Variants in ZSCAN30 observed in about 807,000 individuals in gnomAD.
The protein encoded by ZSCAN30 is zinc finger and SCAN domain containing 30.
Under a neutral mutation model 44.3 loss-of-function variants are expected in ZSCAN30, and 37 were observed. The observed-to-expected ratio is 0.84, with a 90% CI of 0.64 to 1.10. ZSCAN30 has a LOEUF of 1.10. Among genes scored for constraint, ZSCAN30 ranks in the 50% least tolerant of loss-of-function variants. ZSCAN30 has a pLI of 0.00. For missense variants in ZSCAN30, 549 were observed against 582.6 expected (o/e 0.94, Z 0.59); for synonymous variants, 181 against 204.6 (o/e 0.88, Z 0.98).
intron 3 of ZSCAN30, chr18:35,261,419 A>G (rs2044027718): frequency 6.6e-6 from 1 of 152,186 alleles, no homozygotes; most frequent in Admixed American, 6.5e-5. Context: ...TGGGAATAAC[A>G]CTGAATCTAT....
In ZSCAN30 at chr18:35,254,395, T is replaced by C. The variant is rs1289922202; in HGVS notation, c.554-14A>G. The C allele has an allele frequency of 4.3e-6, 7 of 1,613,846 alleles. No individual in the cohort carries two copies. Among genetic ancestry groups the C allele is most frequent in the Non-Finnish European group, 5.9e-6 (7 of 1,179,936 alleles). ...CCATCCTGCCATCTAAAAATGTGAA[T>C]AGAAAGTGTAAGTATCATTTACTTC... On this transcript the variant is annotated splice_polypyrimidine_tract_variant and intron_variant, in intron 3 of 3. Transcript: ENST00000333206.
chr18:35,266,657 A>ATTTTTTTTTTTTTTTTTT (rs34611791), intron 1 of ZSCAN30: 1 of 78,642 alleles, frequency 1.3e-5, no homozygotes, highest in Non-Finnish European at 2.3e-5. Context: ...ATTTCTCCTA[A>ATTTTTTTTTTTTTTTTTT]TTTTTTTTTT....
chr18:35,282,804 T>C (rs1393150981), intron 1 of ZSCAN30: 5 of 152,234 alleles, frequency 3.3e-5, no homozygotes, highest in Admixed American at 2.6e-4. Flanking sequence ...TCCATTTTCA[T>C]GAGGTTCAAG....
In ZSCAN30 at chr18:35,275,026, C is replaced by T. The variant is rs561787369; in HGVS notation, c.-103-10571G>A. Among the ~76,000 whole-genome samples the T allele has an allele frequency of 2.0e-5, 3 of 152,252 alleles. No individual in the cohort carries two copies. The South Asian group carries it at 6.2e-4, about 32-fold the overall frequency. On this transcript the variant is annotated intron_variant, in intron 1 of 3. Transcript: ENST00000333206. ...CTCTGAAGTCATAAATATACTTTCA[C>T]ATATTTTCTTCTACAAATTTTACAA...
chr18:35,274,194 T>C (rs763022284), intron 1 of ZSCAN30, among the ~76,000 whole-genome samples: 1 of 151,620 alleles, frequency 6.6e-6, no homozygotes, highest in Non-Finnish European at 1.5e-5. Context: ...TTTTGGGGGC[T>C]TTTTTTTGCT....
At chr18:35,268,340 GATTAAAGGACAA>G (rs900402388) in intron 1 of ZSCAN30, 5 of 152,204 alleles carry the variant, frequency 3.3e-5, no homozygotes, top group African/African-American at 1.2e-4. Flanking sequence ...GTATAGAGTG[GATTAAAGGACAA>G]AAGAGATGAA....
At chr18:35,256,007 G>A (rs967253573) in intron 3 of ZSCAN30, among the ~76,000 whole-genome samples, 11 of 152,132 alleles carry the variant, frequency 7.2e-5, no homozygotes, top group African/African-American at 1.4e-4. Context: ...GGTATAAAGT[G>A]GCAATATAAT....
chr18:35,282,218 T>A (rs542220304), intron 1 of ZSCAN30: 5 of 152,220 alleles, frequency 3.3e-5, no homozygotes, highest in African/African-American at 7.2e-5. Flanking sequence ...ATTTAAGTTA[T>A]AGGATATGAA....
At chr18:35,262,123 T>C (rs1436583129) in intron 3 of ZSCAN30, 1 of 152,198 alleles carries the variant, frequency 6.6e-6, no homozygotes, top group African/African-American at 2.4e-5. Context: ...GGGTAGACTC[T>C]TAATAACTAA....
chr18:35,271,633 A>G (rs1330588516), intron 1 of ZSCAN30, among the ~76,000 whole-genome samples: 2 of 152,224 alleles, frequency 1.3e-5, no homozygotes, highest in African/African-American at 4.8e-5. Context: ...GCTGCCTGCC[A>G]GTCCTGCACC....
intron 3 of ZSCAN30, chr18:35,255,031 A>AC (rs1296741897): frequency 3.9e-5 from 6 of 153,766 alleles, no homozygotes; most frequent in Middle Eastern, 1.3e-3. Flanking sequence ...ACTTTAAAAA[A>AC]AATTTTGCAC....
chr18:35,280,409 T>TAC (rs1331201047), intron 1 of ZSCAN30, among the ~76,000 whole-genome samples: 16 of 150,040 alleles, frequency 1.1e-4, no homozygotes, highest in South Asian at 2.1e-4. Context: ...AACACACACA[T>TAC]ACACACACAC....
intron 1 of ZSCAN30, among the ~76,000 whole-genome samples, chr18:35,270,409 C>G (rs951000271): frequency 1.3e-5 from 2 of 152,188 alleles, no homozygotes; most frequent in African/African-American, 4.8e-5. Context: ...CTCTGTATCT[C>G]TTATCTGCTC....
At chr18:35,260,631 T>A (rs1388799826) in intron 3 of ZSCAN30, 1 of 152,224 alleles carries the variant, frequency 6.6e-6, no homozygotes, top group Non-Finnish European at 1.5e-5. Flanking sequence ...AGCTATTTTT[T>A]ATATATTTTT....
intron 3 of ZSCAN30, chr18:35,258,045 T>C (rs758389840): frequency 5.1e-6 from 4 of 777,118 alleles, no homozygotes; most frequent in African/African-American, 1.7e-5. Flanking sequence ...AACTTATAAC[T>C]CAAGGTTGTA....
chr18:35,264,233 G>C lies in ZSCAN30; in HGVS notation c.120C>G (p.Asn40Lys), dbSNP rs199923382. ...GCCGGAATACCTCTTGGCTCCAGGG[G>C]TTTTCCTGAAGGCCAAAGTCCTGGT... ...VLDQDFGLQE[N>K]PWSQEVFRQK... is the part of the protein sequence containing the mutation. The change falls in exon 2 of 4, where the codon AAC (asparagine) becomes AAG (lysine). Residue 40 changes from asparagine to lysine, a missense_variant. By Grantham distance (94) the Asn-to-Lys change is moderately conservative. Transcript: ENST00000333206. 4,986 of 1,614,206 alleles carry C rather than the reference G, an allele frequency of 3.1e-3. 10 individuals carry two copies. The highest frequency in any genetic ancestry group is 3.7e-3 in the Non-Finnish European group (4,413 of 1,180,044).
At chr18:35,266,158 TG>T (rs2044144828) in intron 1 of ZSCAN30, among the ~76,000 whole-genome samples, 1 of 152,150 alleles carries the variant, frequency 6.6e-6, no homozygotes, top group South Asian at 2.1e-4. Flanking sequence ...CTTTAGTAAG[TG>T]CCACAAGAGC....
intron 3 of ZSCAN30, 126 bp from the exon 4 acceptor site, chr18:35,254,507 T>C (rs2043723523): frequency 4.6e-6 from 7 of 1,534,898 alleles, no homozygotes; most frequent in African/African-American, 1.4e-5. Flanking sequence ...CAAAACTAGA[T>C]TCCCAATCTA....
At chr18:35,267,258 G>A (rs2044173536) in intron 1 of ZSCAN30, 1 of 146,104 alleles carries the variant, frequency 6.8e-6, no homozygotes, top group African/African-American at 2.6e-5. Flanking sequence ...CGCTGGGTAA[G>A]CGCCTGAGGA....
Sources: gnomAD v4.1 joint callset for allele counts (sites outside exome capture counted in the v4.1 genomes callset) on GRCh38, gnomAD v4.1.1 for gene constraint, MANE v1.5 for transcripts, NCBI Gene and HGNC (gene_info 2026-07-23, HGNC 2026-07-21) for gene names.